The following TTLL9 variants were observed in gnomAD, a reference collection of about 807,000 sequenced individuals.
TTLL9 encodes probable tubulin polyglutamylase TTLL9.
In TTLL9, 47 loss-of-function variants were observed where a neutral mutation model predicts 65.6. That is an observed-to-expected ratio of 0.72 (90% CI 0.57 to 0.91). The LOEUF (loss-of-function observed/expected upper bound fraction) is 0.91. Among genes scored for constraint, TTLL9 ranks in the 40% least tolerant of loss-of-function variants. TTLL9 has a pLI of 0.00. For synonymous variants in TTLL9, 179 were observed against 204.8 expected (o/e 0.87, Z 1.07); for missense variants, 537 against 568.8 (o/e 0.94, Z 0.57).
In TTLL9 at chr20:31,906,056, G is replaced by T. The variant is rs1288320548; in HGVS notation, c.207-2535G>T. Among the ~76,000 whole-genome samples the T allele has an allele frequency of 4.5e-5, 6 of 133,102 alleles. No homozygotes were observed. The East Asian group carries it at 1.3e-3, about 28-fold the overall frequency. The allele number at this position is 133,102 out of a possible 152,430, so 87.3% of individuals were successfully genotyped here. ...CTCAAAAAAAAAAAAAAAAAAAAAA[G>T]GAAAGAAAATTCCAAAGGGATCTCC... On this transcript the variant is annotated intron_variant, in intron 4 of 14. Transcript: ENST00000535842.
intron 10 of TTLL9, among the ~76,000 whole-genome samples, chr20:31,932,738 C>T (rs2064039588): frequency 6.6e-6 from 1 of 152,034 alleles, no homozygotes; most frequent in South Asian, 2.1e-4. Flanking sequence ...TGGCTCACAC[C>T]TGTGATCCCA....
At chr20:31,913,034 C>A (rs2063680170) in intron 6 of TTLL9, among the ~76,000 whole-genome samples, 1 of 151,960 alleles carries the variant, frequency 6.6e-6, no homozygotes, top group Non-Finnish European at 1.5e-5. Flanking sequence ...GTGGCGAGTG[C>A]CTGTAGTGCC....
chr20:31,931,845 T>C (rs985773355), intron 10 of TTLL9, among the ~76,000 whole-genome samples: 2 of 152,248 alleles, frequency 1.3e-5, no homozygotes, highest in Admixed American at 1.3e-4. Flanking sequence ...TTTCTTTCAC[T>C]TTTTGATAAT....
intron 2 of TTLL9, chr20:31,880,014 G>C (rs1345896542): frequency 2.5e-6 from 1 of 393,010 alleles, no homozygotes. Flanking sequence ...TAGGGGTGGG[G>C]CGGGGGGGCG....
chr20:31,899,494 CATG>C (rs936791402), intron 4 of TTLL9, among the ~76,000 whole-genome samples: 15 of 152,170 alleles, frequency 9.9e-5, no homozygotes, highest in Middle Eastern at 3.4e-3. Context: ...GTTAGCCAGG[CATG>C]GTGGTGTGTG....
intron 3 of TTLL9, among the ~76,000 whole-genome samples, chr20:31,895,857 TGA>T (rs2063379434): frequency 6.7e-6 from 1 of 148,990 alleles, no homozygotes; most frequent in African/African-American, 2.5e-5. Context: ...ATTTATTTAT[TGA>T]GACAGGGTCT....
intron 3 of TTLL9, among the ~76,000 whole-genome samples, chr20:31,887,850 C>CTTCTCCTCTT (rs2063214746): frequency 2.8e-5 from 1 of 35,458 alleles, no homozygotes; most frequent in African/African-American, 1.1e-4. Flanking sequence ...TTAGATATCT[C>CTTCTCCTCTT]CTCTCCTCTT....
intron 10 of TTLL9, among the ~76,000 whole-genome samples, chr20:31,926,516 C>G (rs1329672630): frequency 6.6e-6 from 1 of 152,168 alleles, no homozygotes; most frequent in Non-Finnish European, 1.5e-5. Flanking sequence ...TGCACACATG[C>G]CCTGTGACCC....
intron 4 of TTLL9, 109 bp from the exon 5 acceptor site, chr20:31,908,482 A>G: frequency 1.4e-6 from 1 of 711,090 alleles, no homozygotes. Flanking sequence ...CTAGAGGGAC[A>G]CAGTGCTGTG....
chr20:31,939,148 G>A lies in TTLL9; in HGVS notation c.1125G>A (p.Thr375=), dbSNP rs374904378. 9.4e-6 allele frequency: 15 copies of A among 1,587,740 alleles called. No homozygotes were observed. The highest frequency in any genetic ancestry group is 3.5e-5 in the South Asian group (3 of 86,596). The change falls in exon 14 of 15, where the codon ACG becomes ACA. Residue 375 remains threonine, a synonymous_variant. Transcript: ENST00000535842. ...GGGCCTCCTTCCTGTCCAGGCTCACGGGAAGGGAGAAGCGAGTCGGGGGCT... is the reference window on the plus strand; with the variant it reads ...GGGCCTCCTTCCTGTCCAGGCTCACAGGAAGGGAGAAGCGAGTCGGGGGCT... The part of the protein sequence containing the change: ...LHVVDMEARL[T]GREKRVGGFD...
chr20:31,915,254 G>T (rs1042730048), intron 6 of TTLL9, among the ~76,000 whole-genome samples: 13 of 152,200 alleles, frequency 8.5e-5, no homozygotes, highest in African/African-American at 3.1e-4. Context: ...GGCTGAGGCG[G>T]GCGGATCACG....
intron 6 of TTLL9, among the ~76,000 whole-genome samples, chr20:31,915,047 A>G (rs987366501): frequency 6.6e-6 from 1 of 152,264 alleles, no homozygotes; most frequent in African/African-American, 2.4e-5. Flanking sequence ...CACAATTTCA[A>G]AGTCAGGAGG....
At chr20:31,893,284 T>A (rs2063332839) in intron 3 of TTLL9, among the ~76,000 whole-genome samples, 1 of 150,158 alleles carries the variant, frequency 6.7e-6, no homozygotes, top group Admixed American at 6.7e-5. Flanking sequence ...AGTCAGCTGT[T>A]CTTTTTCTTT....
intron 10 of TTLL9, among the ~76,000 whole-genome samples, chr20:31,932,414 G>A (rs1241990055): frequency 3.5e-5 from 5 of 142,384 alleles, no homozygotes; most frequent in Admixed American, 2.9e-4. Context: ...GGAGGTTGCA[G>A]TGAGATGAGA....
chr20:31,890,067 TCTTG>T (rs138402988), intron 3 of TTLL9, among the ~76,000 whole-genome samples: 31,579 of 122,244 alleles, frequency 0.26, 4,852 homozygotes, highest in African/African-American at 0.33. Flanking sequence ...TCTCTTTCTT[TCTTG>T]CTTTCTTGCT....
intron 12 of TTLL9, among the ~76,000 whole-genome samples, chr20:31,937,099 CAAA>C (rs59705348): frequency 3.2e-5 from 3 of 93,506 alleles, no homozygotes; most frequent in Non-Finnish European, 2.2e-5. Context: ...ACTCCCTCTC[CAAA>C]AAAAAAAAAA....
rs140198748 is a variant in TTLL9 at position 31,884,088 on chromosome 20, G to A, written c.70-3108G>A. Reference sequence around the variant, plus strand: ...CTACCAGAACTAATCATTCAGCAAGGGCATCAAATACAAGGTCAATATACA... The same window carrying A: ...CTACCAGAACTAATCATTCAGCAAGAGCATCAAATACAAGGTCAATATACA... On this transcript the variant is annotated intron_variant, in intron 2 of 14. Transcript: ENST00000535842. 6 of 538,156 alleles carry A rather than the reference G, an allele frequency of 1.1e-5. No individual in the cohort carries two copies. In the African/African-American group the frequency reaches 1.2e-4, roughly 11 times the overall value. The allele number at this position is 538,156 out of a possible 1,614,324, so 33.3% of individuals were successfully genotyped here.
intron 10 of TTLL9, among the ~76,000 whole-genome samples, chr20:31,926,764 C>A (rs1280733269): frequency 1.3e-5 from 2 of 152,080 alleles, no homozygotes; most frequent in Non-Finnish European, 2.9e-5. Flanking sequence ...TGGGAAAAAA[C>A]AAAGCATGTC....
chr20:31,879,842 G>C, intron 2 of TTLL9: 1 of 1,549,942 alleles, frequency 6.5e-7, no homozygotes, highest in Non-Finnish European at 8.7e-7. Flanking sequence ...CACGCGAGGC[G>C]CGCGGTGGCG....
Sources: gnomAD v4.1 joint callset for allele counts (sites outside exome capture counted in the v4.1 genomes callset) on GRCh38, gnomAD v4.1.1 for gene constraint, MANE v1.5 for transcripts, NCBI Gene and HGNC (gene_info 2026-07-23, HGNC 2026-07-21) for gene names.